SLC39A10: variants seen among roughly 807,000 people sequenced by gnomAD.
SLC39A10 encodes zinc transporter ZIP10.
SLC39A10 carries 13 observed loss-of-function variants against 65.1 expected under a neutral mutation model. The ratio of observed to expected loss-of-function variants is 0.20; its 90% confidence interval spans 0.13 to 0.32. The LOEUF (loss-of-function observed/expected upper bound fraction) is 0.32, where lower values mean the gene tolerates loss of function less well. SLC39A10 is among the 10% of genes least tolerant of loss of function. The pLI is 1.00. For missense variants in SLC39A10, 831 were observed against 1,018.4 expected, an observed-to-expected ratio of 0.82 and a Z score of 2.50; for synonymous variants, 321 against 342.2, an observed-to-expected ratio of 0.94 and a Z score of 0.68.
chr2:195,665,877 T>A (rs1689615958), intron 1 of SLC39A10, among the ~76,000 whole-genome samples: 1 of 152,220 alleles, frequency 6.6e-6, no homozygotes, highest in South Asian at 2.1e-4. Context: ...CCTTCCTATT[T>A]CCTGTACTCC....
At chr2:195,719,528 G>A (rs1691942649) in intron 8 of SLC39A10, among the ~76,000 whole-genome samples, 1 of 152,034 alleles carries the variant, frequency 6.6e-6, no homozygotes, top group African/African-American at 2.4e-5. Context: ...CAGGTCTAGG[G>A]TATGCATGCT....
At chr2:195,693,566 A>G (rs564521051) in intron 3 of SLC39A10, among the ~76,000 whole-genome samples, 3 of 151,986 alleles carry the variant, frequency 2.0e-5, no homozygotes, top group South Asian at 4.2e-4. Flanking sequence ...CATCTCATCT[A>G]GGTTTTCTGG....
At chr2:195,655,665 G>A (rs999032236), upstream of SLC39A10, among the ~76,000 whole-genome samples, 2 of 152,162 alleles carry the variant, frequency 1.3e-5, no homozygotes, top group African/African-American at 2.4e-5. Context: ...TAGTGGCAAT[G>A]GTGAGACTTG....
At chr2:195,629,308 C>T (rs543778176) in intron 2 of SLC39A10, among the ~76,000 whole-genome samples, 208 of 151,212 alleles carry the variant, frequency 1.4e-3, no homozygotes, top group African/African-American at 4.5e-3. Context: ...GCAGGAGAAT[C>T]GCTTGAACCC....
At position 195,680,617 on chromosome 2, in the gene SLC39A10, A is replaced by G. The variant is rs1360977222; in HGVS notation, c.575A>G (p.Asn192Ser). ...HRLHHHLDHN[N>S]THHFHNDSIT... ...TTGCATCATCATCTTGATCATAACA[A>G]CACTCACCATTTTCATAATGATTCC... Residue 192 changes from asparagine (N) to serine (S), a missense_variant, in exon 2 of 10, where the codon AAC (asparagine) becomes AGC (serine). Asn to Ser is a conservative substitution (Grantham distance 46). Around this residue, in one of 4 missense-constraint regions of SLC39A10, gnomAD observed 446 missense variants for 499.2 expected, o/e 0.89. Coordinates refer to ENST00000359634, the MANE Select transcript of SLC39A10 (RefSeq NM_020342.3). 3 of 1,614,176 alleles carry G rather than the reference A, an allele frequency of 1.9e-6. No homozygotes were observed. Among genetic ancestry groups the G allele is most frequent in the Non-Finnish European group, 2.5e-6 (3 of 1,180,052 alleles).
upstream of SLC39A10, among the ~76,000 whole-genome samples, chr2:195,654,042 G>A (rs937551457): frequency 6.6e-6 from 1 of 152,216 alleles, no homozygotes; most frequent in Non-Finnish European, 1.5e-5. Context: ...AGGTTCAAGC[G>A]ATTCTCCTGC....
intron 8 of SLC39A10, among the ~76,000 whole-genome samples, chr2:195,722,039 A>G (rs1374276440): frequency 6.6e-6 from 1 of 152,200 alleles, no homozygotes; most frequent in Non-Finnish European, 1.5e-5. Flanking sequence ...CATTACATAC[A>G]TTAATAGCTA....
chr2:195,710,598 C>T (rs1004753891), intron 5 of SLC39A10, among the ~76,000 whole-genome samples: 2 of 152,102 alleles, frequency 1.3e-5, no homozygotes, highest in Admixed American at 1.3e-4. Context: ...CTCATGATTT[C>T]CAGTAGTTAT....
chr2:195,660,710 C>T (rs1222669025), intron 1 of SLC39A10, among the ~76,000 whole-genome samples: 1 of 152,124 alleles, frequency 6.6e-6, no homozygotes, highest in Non-Finnish European at 1.5e-5. Context: ...CACCAAGTTA[C>T]CTTGCTCCAA....
At chr2:195,707,380 A>G (rs1045721799) in intron 4 of SLC39A10, among the ~76,000 whole-genome samples, 3 of 152,224 alleles carry the variant, frequency 2.0e-5, no homozygotes, top group Middle Eastern at 3.2e-3. Flanking sequence ...ATCACCAGCT[A>G]AGAGTATTTA....
intron 2 of SLC39A10, among the ~76,000 whole-genome samples, chr2:195,632,290 C>CTTTTTTTTTTTTTTTTTTTTTTTTTTTT (rs202193660): frequency 1.4e-5 from 1 of 69,224 alleles, no homozygotes; most frequent in African/African-American, 6.3e-5. Flanking sequence ...ATTCTACTTC[C>CTTTTTTTTTTTTTTTTTTTTTTTTTTTT]TTTTTTTTTT....
intron 2 of SLC39A10, among the ~76,000 whole-genome samples, chr2:195,620,279 A>T (rs1163995585): frequency 6.6e-6 from 1 of 152,198 alleles, no homozygotes; most frequent in Non-Finnish European, 1.5e-5. Flanking sequence ...AGCAACCAAG[A>T]TCATTAAAGG....
At chr2:195,693,206 T>C (rs1242056801) in intron 3 of SLC39A10, among the ~76,000 whole-genome samples, 2 of 152,216 alleles carry the variant, frequency 1.3e-5, no homozygotes, top group Non-Finnish European at 2.9e-5. Flanking sequence ...CGTTTTGATA[T>C]GCTGTTGGAG....
chr2:195,679,397 G>C (rs1690219301), intron 1 of SLC39A10, among the ~76,000 whole-genome samples: 1 of 152,144 alleles, frequency 6.6e-6, no homozygotes, highest in Non-Finnish European at 1.5e-5. Context: ...AAATACCACA[G>C]CATCTTTGAT....
intron 2 of SLC39A10, among the ~76,000 whole-genome samples, chr2:195,683,268 T>C (rs557499185): frequency 1.3e-5 from 2 of 152,226 alleles, no homozygotes; most frequent in African/African-American, 4.8e-5. Flanking sequence ...AACAATATGC[T>C]TTTAGAGTGC....
chr2:195,693,078 A>G (rs1169847607), intron 3 of SLC39A10, among the ~76,000 whole-genome samples: 2 of 152,138 alleles, frequency 1.3e-5, no homozygotes, highest in African/African-American at 4.8e-5. Flanking sequence ...ATCTATCAAG[A>G]TGATCTTGTG....
chr2:195,617,511 G>A (rs757189953), intron 2 of SLC39A10, among the ~76,000 whole-genome samples: 18 of 151,928 alleles, frequency 1.2e-4, no homozygotes, highest in Non-Finnish European at 2.4e-4. Context: ...GCAGTGAGCC[G>A]GGATTGTGCC....
At chr2:195,656,383 G>T (rs890002800), upstream of SLC39A10, among the ~76,000 whole-genome samples, 7 of 152,138 alleles carry the variant, frequency 4.6e-5, no homozygotes, top group African/African-American at 1.7e-4. Flanking sequence ...GAATGAGCAC[G>T]GTGTAGGCAC....
intron 3 of SLC39A10, among the ~76,000 whole-genome samples, chr2:195,688,107 C>T (rs1480660799): frequency 2.6e-5 from 4 of 152,284 alleles, no homozygotes; most frequent in Non-Finnish European, 5.9e-5. Context: ...AAGCTTGTTT[C>T]AGACATTTGG....
Sources: allele counts gnomAD v4.1 joint callset (sites outside exome capture counted in the v4.1 genomes callset), GRCh38; gene constraint gnomAD v4.1.1; regional missense constraint gnomAD v4.1.1; transcripts MANE v1.5; gene names NCBI Gene and HGNC (gene_info 2026-07-23, HGNC 2026-07-21).